Variants in IL1RAPL1 observed in about 807,000 individuals in gnomAD.
IL1RAPL1 encodes interleukin-1 receptor accessory protein-like 1.
In IL1RAPL1, 3 loss-of-function variants were observed where a neutral mutation model predicts 48.4. The observed-to-expected ratio is 0.06, with a 90% CI of 0.03 to 0.16. IL1RAPL1 has a LOEUF of 0.16. IL1RAPL1 is among the 10% of genes least tolerant of loss of function. The pLI is 1.00. For missense variants in IL1RAPL1, 349 were observed against 530.6 expected, an observed-to-expected ratio of 0.66 and a Z score of 3.36; for synonymous variants, 185 against 187.7, an observed-to-expected ratio of 0.99 and a Z score of 0.12.
Position 28,950,450 on chromosome X carries a change from A to G in IL1RAPL1, c.82+161025A>G, listed in dbSNP as rs1361419091. On this transcript the variant is annotated intron_variant, in intron 2 of 10. Transcript: ENST00000378993. ...TCTTTTTTGGTTCCATATGAACTTT[A>G]AAGTAGTTTTTTCCAATTCTGTGAA... Among the ~76,000 whole-genome samples the G allele has an allele frequency of 1.3e-4, 11 of 86,376 alleles. No individual in the cohort carries two copies. The South Asian group carries it at 2.1e-3, about 16-fold the overall frequency. 75.0% of individuals were successfully genotyped at this position (86,376 alleles called of 115,157 possible). A position where few individuals can be genotyped will look rare whatever the true frequency, so the allele number is the denominator to read the frequency against.
In IL1RAPL1 at chrX:29,905,226, TC is replaced by T. The variant is rs1445126312; in HGVS notation, c.779-12237del. 4.5e-5 allele frequency among the ~76,000 whole-genome samples: 5 copies of T among 110,789 alleles called. No homozygotes were observed. In the East Asian group the frequency reaches 1.4e-3, roughly 31 times the overall value. Reference sequence around the variant, plus strand: ...CCACTTTTTGATGGGGTTTTTTTTTTCTTGTAAATTTGTTTAAGTTCCTTGT... The same window carrying T: ...CCACTTTTTGATGGGGTTTTTTTTTTTTGTAAATTTGTTTAAGTTCCTTGT... On this transcript the variant is annotated intron_variant, in intron 6 of 10. Coordinates refer to ENST00000378993, the MANE Select transcript of IL1RAPL1 (RefSeq NM_014271.4).
chrX:29,236,480 C>T (rs1339024171), intron 2 of IL1RAPL1, among the ~76,000 whole-genome samples: 1 of 107,849 alleles, frequency 9.3e-6, no homozygotes, highest in African/African-American at 3.4e-5. Context: ...AATATCAAGC[C>T]GTCTTAGGCT....
intron 5 of IL1RAPL1, among the ~76,000 whole-genome samples, chrX:29,422,655 G>A (rs1042531006): frequency 8.9e-6 from 1 of 111,847 alleles, no homozygotes; most frequent in Admixed American, 9.5e-5. Context: ...CCAAGGGCAA[G>A]TTGACTTTTA....
chrX:29,050,280 G>C (rs1353473904), intron 2 of IL1RAPL1, among the ~76,000 whole-genome samples: 2 of 111,612 alleles, frequency 1.8e-5, no homozygotes, highest in Admixed American at 9.6e-5. Flanking sequence ...TTTGCCTGCT[G>C]TTCTTCCGAT....
At chrX:29,765,459 T>C (rs1928860259) in intron 6 of IL1RAPL1, among the ~76,000 whole-genome samples, 1 of 111,905 alleles carries the variant, frequency 8.9e-6, no homozygotes, top group South Asian at 3.7e-4. Flanking sequence ...AGTACAGTAA[T>C]AGTAAACTTG....
At chrX:29,841,304 A>G (rs932787273) in intron 6 of IL1RAPL1, among the ~76,000 whole-genome samples, 10 of 112,305 alleles carry the variant, frequency 8.9e-5, no homozygotes, top group African/African-American at 3.2e-4. Context: ...TATAGGAAGT[A>G]AATTCAAAAT....
At chrX:29,097,378 C>A (rs867760243) in intron 2 of IL1RAPL1, among the ~76,000 whole-genome samples, 1 of 111,927 alleles carries the variant, frequency 8.9e-6, no homozygotes, top group Middle Eastern at 4.7e-3. Context: ...AAAAGAGGTT[C>A]TGATTCAGAT....
At chrX:28,849,177 T>C (rs1287678762) in intron 2 of IL1RAPL1, among the ~76,000 whole-genome samples, 1 of 110,470 alleles carries the variant, frequency 9.1e-6, no homozygotes, top group African/African-American at 3.3e-5. Flanking sequence ...GCAGAATGTT[T>C]CAAAAAGACT....
rs1488400831 is a variant in IL1RAPL1, at chrX:29,365,270, A to G, written c.363-30988A>G. Among the ~76,000 whole-genome samples, 4 of 112,063 alleles carry G rather than the reference A, an allele frequency of 3.6e-5. No homozygotes were observed. In the Admixed American group the frequency reaches 3.8e-4, roughly 11 times the overall value. On this transcript the variant is annotated intron_variant, in intron 3 of 10. Transcript: ENST00000378993. ...ACGTAGATAGCACCAATCGTTACAAATGGTCAGAGCCCTAGATTTGTGAAT... is the reference window on the plus strand; with the variant it reads ...ACGTAGATAGCACCAATCGTTACAAGTGGTCAGAGCCCTAGATTTGTGAAT...
chrX:29,817,718 G>A (rs770623685), intron 6 of IL1RAPL1, among the ~76,000 whole-genome samples: 2 of 111,714 alleles, frequency 1.8e-5, no homozygotes, highest in African/African-American at 3.2e-5. Context: ...ATTAAAATAA[G>A]AAGGGATGAA....
At chrX:29,109,392 A>G (rs1280096463) in intron 2 of IL1RAPL1, among the ~76,000 whole-genome samples, 1 of 108,715 alleles carries the variant, frequency 9.2e-6, no homozygotes, top group African/African-American at 3.3e-5. Flanking sequence ...CCATCCAAAC[A>G]CTTGTTTTTT....
At chrX:29,302,748 T>A (rs1450208057) in intron 3 of IL1RAPL1, among the ~76,000 whole-genome samples, 3 of 111,382 alleles carry the variant, frequency 2.7e-5, no homozygotes, top group African/African-American at 6.5e-5. Context: ...TGTGTGGGGA[T>A]GTTGAATGGA....
chrX:29,614,997 T>A (rs900771354), intron 5 of IL1RAPL1, among the ~76,000 whole-genome samples: 2 of 111,261 alleles, frequency 1.8e-5, no homozygotes, highest in Non-Finnish European at 3.8e-5. Context: ...AATAATATAA[T>A]TTTCAAAGTT....
At chrX:28,774,422 T>C (rs1222970467) in intron 1 of IL1RAPL1, among the ~76,000 whole-genome samples, 1 of 111,309 alleles carries the variant, frequency 9.0e-6, no homozygotes, top group Admixed American at 9.6e-5. Context: ...AGTCAATGTA[T>C]TGGATGGGGC....
At chrX:28,751,304 T>A (rs1936041056) in intron 1 of IL1RAPL1, among the ~76,000 whole-genome samples, 1 of 111,820 alleles carries the variant, frequency 8.9e-6, no homozygotes, top group Non-Finnish European at 1.9e-5. Context: ...TTTGCATGTA[T>A]GTTTAATCTA....
intron 2 of IL1RAPL1, among the ~76,000 whole-genome samples, chrX:29,053,871 A>G (rs1602032239): frequency 1.8e-5 from 2 of 111,676 alleles, no homozygotes; most frequent in East Asian, 5.6e-4. Flanking sequence ...CGAATATCAG[A>G]TAATTGTAGG....
intron 1 of IL1RAPL1, among the ~76,000 whole-genome samples, chrX:28,729,499 G>T (rs1480955396): frequency 6.3e-5 from 7 of 111,369 alleles, no homozygotes; most frequent in Non-Finnish European, 1.3e-4. Context: ...GATCTTAATA[G>T]TAAATGCTCT....
chrX:28,731,816 A>T (rs1282994750), intron 1 of IL1RAPL1, among the ~76,000 whole-genome samples: 1 of 112,063 alleles, frequency 8.9e-6, no homozygotes, highest in African/African-American at 3.2e-5. Context: ...TTTAAGAAAG[A>T]TGTCAAAGAA....
At chrX:28,672,246 G>GT (rs1002939286) in intron 1 of IL1RAPL1, among the ~76,000 whole-genome samples, 10 of 111,651 alleles carry the variant, frequency 9.0e-5, no homozygotes, top group Non-Finnish European at 1.7e-4. Flanking sequence ...TAAAATTAGG[G>GT]TTTTTTATAT....
Sources: gnomAD v4.1 joint callset for allele counts (sites outside exome capture counted in the v4.1 genomes callset) on GRCh38, gnomAD v4.1.1 for gene constraint, MANE v1.5 for transcripts, NCBI Gene and HGNC (gene_info 2026-07-23, HGNC 2026-07-21) for gene names.